The following HEMK2 variants were observed in gnomAD, a reference collection of about 807,000 sequenced individuals.
The protein encoded by HEMK2 is HemK methyltransferase 2, ETF1 glutamine and histone H4 lysine, also known as methyltransferase HEMK2.
the HEMK2 span, among the ~76,000 whole-genome samples, chr21:28,619,435 C>T: frequency 6.6e-6 from 1 of 152,182 alleles, no homozygotes; most frequent in Non-Finnish European, 1.5e-5. Flanking sequence ...AGCAAATTTA[C>T]TGCCTTTTTG....
At chr21:28,790,040 C>T in the HEMK2 span, among the ~76,000 whole-genome samples, 1 of 152,162 alleles carries the variant, frequency 6.6e-6, no homozygotes, top group Middle Eastern at 3.2e-3. Flanking sequence ...ACATTTTTAA[C>T]GTAGTGTTTC....
At chr21:28,822,556 A>G in the HEMK2 span, among the ~76,000 whole-genome samples, 1 of 151,560 alleles carries the variant, frequency 6.6e-6, no homozygotes, top group African/African-American at 2.4e-5. Context: ...GCCACACCAT[A>G]AAAGTGGCTA....
At chr21:28,753,386 C>T in the HEMK2 span, among the ~76,000 whole-genome samples, 8 of 150,436 alleles carry the variant, frequency 5.3e-5, no homozygotes, top group Admixed American at 2.7e-4. Flanking sequence ...TAGAAGGTAA[C>T]GCACATGTTT....
the HEMK2 span, among the ~76,000 whole-genome samples, chr21:28,683,805 G>GA: frequency 2.6e-5 from 4 of 152,104 alleles, no homozygotes; most frequent in Non-Finnish European, 5.9e-5. Context: ...AATTTAACAT[G>GA]AAAAAACACA....
At chr21:28,641,642 T>C in the HEMK2 span, among the ~76,000 whole-genome samples, 1 of 152,230 alleles carries the variant, frequency 6.6e-6, no homozygotes, top group African/African-American at 2.4e-5. Context: ...AAAACATAAC[T>C]AAGTTTAAAT....
chr21:28,782,042 T>A, the HEMK2 span, among the ~76,000 whole-genome samples: 2 of 152,194 alleles, frequency 1.3e-5, no homozygotes, highest in Non-Finnish European at 2.9e-5. Context: ...ATTCTTAACT[T>A]AAAAAACTAT....
chr21:28,621,786 T>C, the HEMK2 span, among the ~76,000 whole-genome samples: 13 of 152,210 alleles, frequency 8.5e-5, no homozygotes, highest in Non-Finnish European at 1.8e-4. Context: ...TGGAATGTCA[T>C]CAGTTAAGGC....
chr21:28,756,947 A>T, the HEMK2 span, among the ~76,000 whole-genome samples: 6 of 152,180 alleles, frequency 3.9e-5, no homozygotes, highest in Non-Finnish European at 5.9e-5. Flanking sequence ...TCACTTAATA[A>T]CTTTTGTTCT....
chr21:28,807,268 A>C, the HEMK2 span, among the ~76,000 whole-genome samples: 1 of 152,090 alleles, frequency 6.6e-6, no homozygotes, highest in African/African-American at 2.4e-5. Flanking sequence ...CTAAGTAAAG[A>C]CATCACCATC....
At chr21:28,691,945 A>G in the HEMK2 span, among the ~76,000 whole-genome samples, 14 of 152,184 alleles carry the variant, frequency 9.2e-5, no homozygotes, top group Non-Finnish European at 1.6e-4. Flanking sequence ...CTCTCTCCAA[A>G]TTTCAAAGTT....
chr21:28,757,043 A>G, the HEMK2 span, among the ~76,000 whole-genome samples: 11 of 152,204 alleles, frequency 7.2e-5, no homozygotes, highest in Non-Finnish European at 2.9e-5. Flanking sequence ...GAACTCTACT[A>G]CACATACTGC....
chr21:28,619,691 G>A, the HEMK2 span, among the ~76,000 whole-genome samples: 1 of 152,136 alleles, frequency 6.6e-6, no homozygotes, highest in Non-Finnish European at 1.5e-5. Flanking sequence ...TGTTACAAAA[G>A]GACTGAATAG....
the HEMK2 span, among the ~76,000 whole-genome samples, chr21:28,779,430 T>TA: frequency 1.3e-5 from 2 of 152,064 alleles, no homozygotes; most frequent in Middle Eastern, 3.2e-3. Context: ...TTGTTAGAAA[T>TA]AGAGAGTAGA....
the HEMK2 span, among the ~76,000 whole-genome samples, chr21:28,772,211 G>A: frequency 6.6e-6 from 1 of 152,150 alleles, no homozygotes. Context: ...TTTCAACCAT[G>A]CCTATGTTGG....
the HEMK2 span, among the ~76,000 whole-genome samples, chr21:28,881,172 T>C: frequency 6.6e-6 from 1 of 152,222 alleles, no homozygotes; most frequent in Non-Finnish European, 1.5e-5. Context: ...TGTCATTTGT[T>C]GTTTTTACCT....
the HEMK2 span, among the ~76,000 whole-genome samples, chr21:28,806,012 C>T: frequency 6.6e-6 from 1 of 152,196 alleles, no homozygotes; most frequent in Non-Finnish European, 1.5e-5. Flanking sequence ...TTTTTGAGTA[C>T]ACTCATCAGT....
At chr21:28,723,701 G>A in the HEMK2 span, among the ~76,000 whole-genome samples, 1 of 152,124 alleles carries the variant, frequency 6.6e-6, no homozygotes, top group Non-Finnish European at 1.5e-5. Context: ...CCGCCTCATG[G>A]GACTGATGAA....
chr21:28,688,756 C>T, the HEMK2 span, among the ~76,000 whole-genome samples: 1 of 152,074 alleles, frequency 6.6e-6, no homozygotes, highest in Non-Finnish European at 1.5e-5. Context: ...ATTTTCATGG[C>T]TGTCTCCATT....
the HEMK2 span, among the ~76,000 whole-genome samples, chr21:28,648,844 C>G: frequency 6.6e-6 from 1 of 151,984 alleles, no homozygotes; most frequent in Non-Finnish European, 1.5e-5. Flanking sequence ...TGCAGGTTAG[C>G]TACATATGTA....
Sources: gnomAD v4.1 joint callset for allele counts (sites outside exome capture counted in the v4.1 genomes callset) on GRCh38, gnomAD v4.1.1 for gene constraint, MANE v1.5 for transcripts, NCBI Gene and HGNC (gene_info 2026-07-23, HGNC 2026-07-21) for gene names.